The following SLC2A9 variants were observed in gnomAD, a reference collection of about 807,000 sequenced individuals.
SLC2A9 encodes solute carrier family 2, facilitated glucose transporter member 9.
SLC2A9 carries 39 observed loss-of-function variants against 50.6 expected under a neutral mutation model. The ratio of observed to expected loss-of-function variants is 0.77; its 90% CI spans 0.60 to 1.01. The LOEUF (loss-of-function observed/expected upper bound fraction) is 1.01, where lower values mean the gene tolerates loss of function less well. Among genes scored for constraint, SLC2A9 ranks in the 50% least tolerant of loss-of-function variants. The probability of loss-of-function intolerance (pLI) is 0.00; values close to 1 mark genes in which losing one functional copy is unlikely to be tolerated. For missense variants in SLC2A9, 686 were observed against 677.6 expected (o/e 1.01, Z -0.14); for synonymous variants, 324 against 276.9 (o/e 1.17, Z -1.69).
At chr4:9,818,964 T>C (rs1052202299) in intron 3 of SLC2A9, among the ~76,000 whole-genome samples, 3 of 151,480 alleles carry the variant, frequency 2.0e-5, no homozygotes, top group Admixed American at 2.0e-4. Context: ...CTACTAAAAA[T>C]ACAAAAAATG....
At chr4:9,803,323 T>C (rs1157627658) in intron 3 of SLC2A9, among the ~76,000 whole-genome samples, 2 of 152,270 alleles carry the variant, frequency 1.3e-5, no homozygotes, top group Non-Finnish European at 2.9e-5. Flanking sequence ...ATACGGCACT[T>C]TGTGCCTGTA....
chr4:10,029,592 A>ATTTTG (rs33987363), intron 1 of SLC2A9, among the ~76,000 whole-genome samples: 1 of 128,264 alleles, frequency 7.8e-6, no homozygotes, highest in Non-Finnish European at 1.8e-5. Flanking sequence ...ATTTTATTTT[A>ATTTTG]TATTATTTTA....
chr4:9,980,816 G>A, intron 4 of SLC2A9, 79 bp from the exon 5 acceptor site: 1 of 1,586,404 alleles, frequency 6.3e-7, no homozygotes, highest in Non-Finnish European at 8.6e-7. Context: ...GCCTCTCTTG[G>A]CTCTGCTTTG....
At chr4:10,034,765 G>A (rs909615887) in intron 1 of SLC2A9, 1 of 152,270 alleles carries the variant, frequency 6.6e-6, no homozygotes, top group East Asian at 1.9e-4. Flanking sequence ...CACTAGAAAT[G>A]TTTGATCATC....
upstream of SLC2A9, among the ~76,000 whole-genome samples, chr4:10,024,432 A>C (rs748312604): frequency 1.3e-5 from 2 of 152,344 alleles, no homozygotes; most frequent in East Asian, 3.9e-4. Flanking sequence ...CCTTATAGGA[A>C]GAGGAAATGA....
intron 1 of SLC2A9, among the ~76,000 whole-genome samples, chr4:9,774,205 G>A (rs914571871): frequency 2.6e-5 from 4 of 152,000 alleles, no homozygotes; most frequent in Non-Finnish European, 4.4e-5. Flanking sequence ...TGTTGGTCAG[G>A]CTGGTCTTGA....
intron 8 of SLC2A9, among the ~76,000 whole-genome samples, chr4:9,891,228 G>C (rs984770896): frequency 6.6e-6 from 1 of 152,184 alleles, no homozygotes; most frequent in Non-Finnish European, 1.5e-5. Flanking sequence ...CCCTGGGGAA[G>C]TCCCTAAAGC....
downstream of SLC2A9, among the ~76,000 whole-genome samples, chr4:9,776,079 G>A (rs1487010243): frequency 6.6e-6 from 1 of 152,100 alleles, no homozygotes; most frequent in Non-Finnish European, 1.5e-5. Context: ...CGAGGGAAGG[G>A]ATCTGCTGGG....
chr4:9,778,399 T>C (rs2108835306), downstream of SLC2A9, among the ~76,000 whole-genome samples: 1 of 152,192 alleles, frequency 6.6e-6, no homozygotes, highest in South Asian at 2.1e-4. Flanking sequence ...GGATTACAGG[T>C]GTGGGCCACC....
chr4:9,891,847 A>T (rs1737509406), intron 8 of SLC2A9, among the ~76,000 whole-genome samples: 1 of 152,204 alleles, frequency 6.6e-6, no homozygotes, highest in African/African-American at 2.4e-5. Flanking sequence ...CCCCATCACG[A>T]CAGTCATTTG....
intron 6 of SLC2A9, among the ~76,000 whole-genome samples, chr4:9,933,879 C>T (rs1746586210): frequency 6.6e-6 from 1 of 152,212 alleles, no homozygotes; most frequent in Non-Finnish European, 1.5e-5. Context: ...ATGCCAGCAA[C>T]CTTGGGCCAA....
At position 9,949,628 on chromosome 4, in the gene SLC2A9, G is replaced by T. The variant is rs78422245; in HGVS notation, c.682-7583C>A. On this transcript the variant is annotated intron_variant, in intron 5 of 11. Transcript: ENST00000264784. ...GCTCTTTCCTTGACATTATTCCTCA[G>T]ATCTGCAGTTCCTGGAGCAAAGCAC... is the stretch of plus-strand genomic sequence containing the variant. Among the ~76,000 whole-genome samples the T allele has an allele frequency of 3.5e-3, 527 of 152,248 alleles. 4 individuals are homozygous for T. Among genetic ancestry groups the T allele is most frequent in the African/African-American group, 0.012 (479 of 41,538 alleles).
intron 8 of SLC2A9, among the ~76,000 whole-genome samples, chr4:9,907,996 G>A (rs1298766976): frequency 3.3e-5 from 5 of 152,132 alleles, no homozygotes; most frequent in Admixed American, 6.5e-5. Context: ...GAGAATTGTC[G>A]CTCTTCAGTA....
chr4:9,912,556 T>C (rs577858422), intron 7 of SLC2A9, among the ~76,000 whole-genome samples: 1 of 152,252 alleles, frequency 6.6e-6, no homozygotes, highest in African/African-American at 2.4e-5. Context: ...TTTTGCCCCC[T>C]CCACAGTTGG....
chr4:9,969,857 G>C (rs978082768), intron 5 of SLC2A9, among the ~76,000 whole-genome samples: 1 of 152,202 alleles, frequency 6.6e-6, no homozygotes, highest in Non-Finnish European at 1.5e-5. Context: ...CAACACATGG[G>C]AATTATGGGA....
chr4:10,008,900 G>GGTTTTTT (rs1553911924), intron 2 of SLC2A9, among the ~76,000 whole-genome samples: 1 of 134,860 alleles, frequency 7.4e-6, no homozygotes. Flanking sequence ...CTGTGCGGTG[G>GGTTTTTT]TTTTTTTTTT....
At chr4:9,880,117 C>T (rs1035475196) in intron 10 of SLC2A9, 16 of 985,344 alleles carry the variant, frequency 1.6e-5, no homozygotes, top group Non-Finnish European at 1.9e-5. Context: ...GGTGGCTCCC[C>T]TGGGGACTTG....
intron 9 of SLC2A9, among the ~76,000 whole-genome samples, chr4:9,888,744 G>A (rs986761992): frequency 2.0e-5 from 3 of 152,078 alleles, no homozygotes; most frequent in African/African-American, 7.2e-5. Context: ...TCGGCGGGGG[G>A]GTAAGCTGCA....
At chr4:10,031,791 T>G (rs541546070) in intron 1 of SLC2A9, among the ~76,000 whole-genome samples, 1 of 152,222 alleles carries the variant, frequency 6.6e-6, no homozygotes, top group Non-Finnish European at 1.5e-5. Context: ...TCCCATGTCC[T>G]GAGACTGACC....
Sources: allele counts gnomAD v4.1 joint callset (sites outside exome capture counted in the v4.1 genomes callset), GRCh38; gene constraint gnomAD v4.1.1; transcripts MANE v1.5; gene names NCBI Gene and HGNC (gene_info 2026-07-23, HGNC 2026-07-21).